The following TMEM132C variants were observed in gnomAD, a reference collection of about 807,000 sequenced individuals.
TMEM132C encodes protein phosphatase 1, regulatory subunit 152.
A neutral mutation model predicts 61.4 loss-of-function variants in TMEM132C; 29 were observed. The ratio of observed to expected loss-of-function variants is 0.47; its 90% CI spans 0.35 to 0.64. The LOEUF is 0.64. Ranked by LOEUF, TMEM132C falls within the 30% of genes least tolerant of loss-of-function variation. TMEM132C has a pLI of 0.00. For synonymous variants in TMEM132C, 656 were observed against 633.1 expected, an observed-to-expected ratio of 1.04 and a Z score of -0.54; for missense variants, 1,408 against 1,476.9, an observed-to-expected ratio of 0.95 and a Z score of 0.76.
chr12:128,358,412 T>TA (rs1435685340), intron 1 of TMEM132C, among the ~76,000 whole-genome samples: 2 of 152,010 alleles, frequency 1.3e-5, no homozygotes, highest in African/African-American at 4.8e-5. Flanking sequence ...GTTCTAATGT[T>TA]AGAGTTTGAT....
chr12:128,692,185 T>C (rs1954725410), intron 5 of TMEM132C, among the ~76,000 whole-genome samples: 1 of 152,246 alleles, frequency 6.6e-6, no homozygotes. Flanking sequence ...CATTCACCTG[T>C]CCATCCATCC....
chr12:128,693,726 A>G, intron 5 of TMEM132C, 103 bp from the exon 6 acceptor site: 1 of 1,324,110 alleles, frequency 7.6e-7, no homozygotes, highest in Admixed American at 2.1e-5. Flanking sequence ...AGAAACCAGA[A>G]ATAAGCATTT....
intron 5 of TMEM132C, among the ~76,000 whole-genome samples, chr12:128,688,938 C>T (rs998672463): frequency 6.6e-6 from 1 of 152,164 alleles, no homozygotes; most frequent in East Asian, 1.9e-4. Flanking sequence ...GGATTACAGG[C>T]ATGCACCACC....
chr12:128,461,290 G>A (rs563392815), intron 2 of TMEM132C, among the ~76,000 whole-genome samples: 13 of 152,230 alleles, frequency 8.5e-5, no homozygotes, highest in South Asian at 2.1e-4. Flanking sequence ...TGCAGGGAGC[G>A]TCATGAACAA....
chr12:128,341,399 A>G (rs986115061), intron 1 of TMEM132C, among the ~76,000 whole-genome samples: 3 of 152,220 alleles, frequency 2.0e-5, no homozygotes, highest in African/African-American at 2.4e-5. Context: ...TTGATGTAAA[A>G]AAGTAATTAC....
intron 2 of TMEM132C, among the ~76,000 whole-genome samples, chr12:128,520,458 C>T (rs1372301136): frequency 6.6e-6 from 1 of 152,172 alleles, no homozygotes; most frequent in East Asian, 1.9e-4. Flanking sequence ...TTGGTTCACC[C>T]TTCCACTGGC....
At chr12:128,661,475 C>T (rs1289610401) in intron 4 of TMEM132C, among the ~76,000 whole-genome samples, 1 of 151,680 alleles carries the variant, frequency 6.6e-6, no homozygotes, top group Non-Finnish European at 1.5e-5. Context: ...ATGACAACTG[C>T]TTGGAAGCAC....
rs79311476 is a variant in TMEM132C, at chr12:128,358,212, G to A, written c.86-56520G>A. 8.4e-4 allele frequency among the ~76,000 whole-genome samples: 128 copies of A among 152,232 alleles called. 3 individuals carry two copies. In the East Asian group the frequency reaches 0.013, roughly 15 times the overall value. On this transcript the variant is annotated intron_variant, in intron 1 of 8. Transcript: ENST00000435159. Reference sequence around the variant, plus strand: ...GGGAAAGGAGTGGCCTCAGGCTGTGGCTACTCAGAAGAGGTAGGTTTACAA... The same window carrying A: ...GGGAAAGGAGTGGCCTCAGGCTGTGACTACTCAGAAGAGGTAGGTTTACAA...
At chr12:128,469,760 A>C (rs1342710321) in intron 2 of TMEM132C, among the ~76,000 whole-genome samples, 1 of 151,804 alleles carries the variant, frequency 6.6e-6, no homozygotes, top group Non-Finnish European at 1.5e-5. Context: ...ATATATATAC[A>C]CACATGCATT....
chr12:128,378,049 G>C (rs147030488), intron 1 of TMEM132C, among the ~76,000 whole-genome samples: 1 of 152,140 alleles, frequency 6.6e-6, no homozygotes. Context: ...CCTCACCAGC[G>C]TGTTAGGGTT....
chr12:128,440,563 C>T (rs1869748433), intron 2 of TMEM132C, among the ~76,000 whole-genome samples: 1 of 152,230 alleles, frequency 6.6e-6, no homozygotes, highest in South Asian at 2.1e-4. Context: ...CCAAAATCAT[C>T]CCCTCTTGCC....
At chr12:128,306,206 C>CTTTTTT (rs34273117) in intron 1 of TMEM132C, among the ~76,000 whole-genome samples, 1 of 136,944 alleles carries the variant, frequency 7.3e-6, no homozygotes. Flanking sequence ...TGAAGAAATT[C>CTTTTTT]TTTTTTTTTT....
At chr12:128,340,781 T>C (rs1005237771) in intron 1 of TMEM132C, among the ~76,000 whole-genome samples, 9 of 123,364 alleles carry the variant, frequency 7.3e-5, no homozygotes, top group South Asian at 2.3e-4. Flanking sequence ...TTTTCTTTCT[T>C]TCTCTCTCTC....
At chr12:128,352,834 C>A (rs965849390) in intron 1 of TMEM132C, among the ~76,000 whole-genome samples, 4 of 152,114 alleles carry the variant, frequency 2.6e-5, no homozygotes, top group African/African-American at 9.7e-5. Context: ...AGGGCCAGGG[C>A]AAAGTTGTGA....
At chr12:128,506,635 T>A (rs1273482921) in intron 2 of TMEM132C, among the ~76,000 whole-genome samples, 3 of 152,190 alleles carry the variant, frequency 2.0e-5, no homozygotes, top group Admixed American at 2.0e-4. Context: ...TTAACCTGCC[T>A]GGCTTCCGTC....
intron 1 of TMEM132C, among the ~76,000 whole-genome samples, chr12:128,368,102 C>T (rs1341004584): frequency 6.6e-6 from 1 of 152,174 alleles, no homozygotes; most frequent in Non-Finnish European, 1.5e-5. Flanking sequence ...GAGACAATAC[C>T]CCATCTTCCA....
chr12:128,473,332 A>ACTCCAGCCTCC (rs1565946547), intron 2 of TMEM132C, among the ~76,000 whole-genome samples: 1 of 134,902 alleles, frequency 7.4e-6, no homozygotes, highest in Non-Finnish European at 1.5e-5. Context: ...CTTCATCTTC[A>ACTCCAGCCTCC]GTCCAGCCTC....
intron 2 of TMEM132C, among the ~76,000 whole-genome samples, chr12:128,525,081 T>C (rs1030653454): frequency 2.6e-5 from 4 of 152,224 alleles, no homozygotes; most frequent in Non-Finnish European, 5.9e-5. Flanking sequence ...TCTATACCTC[T>C]AAGAGAAGCC....
intron 1 of TMEM132C, among the ~76,000 whole-genome samples, chr12:128,296,348 G>C (rs1871415249): frequency 6.6e-6 from 1 of 152,184 alleles, no homozygotes; most frequent in South Asian, 2.1e-4. Context: ...TGATGCAGTG[G>C]CTTATTGCTC....
Sources: allele counts gnomAD v4.1 joint callset (sites outside exome capture counted in the v4.1 genomes callset), GRCh38; gene constraint gnomAD v4.1.1; transcripts MANE v1.5; gene names NCBI Gene and HGNC (gene_info 2026-07-23, HGNC 2026-07-21).